Variants in NEK3 observed in about 807,000 individuals in gnomAD.
NEK3 encodes NIMA related kinase 3.
Under a neutral mutation model 66.0 loss-of-function variants are expected in NEK3, and 54 were observed. That is an observed-to-expected ratio of 0.82 (90% CI 0.66 to 1.03). The LOEUF is 1.03. Among genes scored for constraint, NEK3 ranks in the 50% least tolerant of loss-of-function variants. The pLI is 0.00. For missense variants in NEK3, 593 were observed against 603.0 expected, an observed-to-expected ratio of 0.98 and a Z score of 0.17; for synonymous variants, 200 against 206.2, an observed-to-expected ratio of 0.97 and a Z score of 0.26.
intron 11 of NEK3, among the ~76,000 whole-genome samples, chr13:52,137,274 A>T (rs1181200664): frequency 6.6e-6 from 1 of 152,180 alleles, no homozygotes; most frequent in East Asian, 1.9e-4. Flanking sequence ...GGGCTTTACA[A>T]ACTATAATAT....
chr13:52,153,214 A>AT (rs959620187), intron 4 of NEK3, among the ~76,000 whole-genome samples: 3 of 150,306 alleles, frequency 2.0e-5, no homozygotes, highest in East Asian at 1.9e-4. Context: ...TGTCAAACTA[A>AT]TTTTTTTTTT....
intron 10 of NEK3, among the ~76,000 whole-genome samples, chr13:52,143,388 C>A (rs754426878): frequency 6.6e-6 from 1 of 151,932 alleles, no homozygotes; most frequent in African/African-American, 2.4e-5. Flanking sequence ...CCATATACCA[C>A]CTGTCCCCAC....
intron 11 of NEK3, 36 bp downstream of exon 11, chr13:52,140,984 C>T (rs371750807): frequency 5.7e-5 from 88 of 1,537,792 alleles, no homozygotes; most frequent in Non-Finnish European, 6.3e-5. Flanking sequence ...CCGGCCACCG[C>T]GCCCGGCCTC....
intron 2 of NEK3, among the ~76,000 whole-genome samples, chr13:52,154,821 A>G (rs1956378351): frequency 1.3e-5 from 2 of 148,324 alleles, no homozygotes; most frequent in South Asian, 4.4e-4. Context: ...ATAGATGTAG[A>G]CTATAGATGT....
intron 7 of NEK3, 59 bp from the exon 8 acceptor site, chr13:52,148,528 A>C: frequency 6.9e-7 from 1 of 1,451,680 alleles, no homozygotes; most frequent in Non-Finnish European, 9.6e-7. Flanking sequence ...TAGTACAAAA[A>C]ATAATTTCTT....
In NEK3 at chr13:52,151,251, A is replaced by C. The variant is rs1439311404; in HGVS notation, c.462-19T>G. 1.2e-6 allele frequency: 2 copies of C among 1,601,352 alleles called. No individual in the cohort carries two copies. The highest frequency in any genetic ancestry group is 1.7e-4 in the Middle Eastern group (1 of 6,048). Reference sequence around the variant, plus strand: ...CATCGGACTAAAACCATAAAAAGGCAACGAATGATTACAGAACATTCCTGA... The same window carrying C: ...CATCGGACTAAAACCATAAAAAGGCCACGAATGATTACAGAACATTCCTGA... On this transcript the variant is annotated intron_variant, in intron 6 of 15. Coordinates refer to ENST00000610828, the MANE Select transcript of NEK3 (RefSeq NM_002498.3).
In NEK3 at chr13:52,150,069, G is replaced by A. The variant is rs569578796; in HGVS notation, c.548+1077C>T. Reference sequence around the variant, plus strand: ...TCCCCAATTGTCCCAATAAGTCCCTGTAGAGCTGTTTTGTCCCCATTCAGT... The same window carrying A: ...TCCCCAATTGTCCCAATAAGTCCCTATAGAGCTGTTTTGTCCCCATTCAGT... On this transcript the variant is annotated intron_variant, in intron 7 of 15. Coordinates refer to ENST00000610828, the MANE Select transcript of NEK3 (RefSeq NM_002498.3). Among the ~76,000 whole-genome samples the A allele has an allele frequency of 1.1e-4, 17 of 152,228 alleles. No individual in the cohort carries two copies. In the South Asian group the frequency reaches 2.9e-3, roughly 26 times the overall value.
chr13:52,133,142 T>C lies in NEK3; in HGVS notation c.1521A>G (p.Ter507=), dbSNP rs1205103392. The C allele has an allele frequency of 7.5e-6, 12 of 1,607,704 alleles. No individual in the cohort carries two copies. In the South Asian group the frequency reaches 1.3e-4, roughly 18 times the overall value. Reference sequence around the variant, plus strand: ...TGACTCAGGAACATTTCCTCAGGCATTATCTGTCGCACAGGCCTTGCCATC... The same window carrying C: ...TGACTCAGGAACATTTCCTCAGGCACTATCTGTCGCACAGGCCTTGCCATC... ...RAGWQGLCDR[*] The change falls in exon 16 of 16, where the codon TAA becomes TAG. Residue 507 remains the stop codon, a stop_retained_variant. Coordinates refer to ENST00000610828, the MANE Select transcript of NEK3 (RefSeq NM_002498.3).
chr13:52,153,991 A>G lies in NEK3; in HGVS notation c.213T>C (p.Ala71=). 6.2e-7 allele frequency: 1 copy of G among 1,611,778 alleles called. No homozygotes were observed. ...CCATCACAATATACAAGTGTCCTTC[A>G]GCTAAAACAGATATAAGCTCTTTAG... ...NIVAFKESFE[A]EGHLYIVMEY... Residue 71 remains alanine, a splice_region_variant and synonymous_variant, in exon 4 of 16, where the codon GCT becomes GCC. Transcript: ENST00000610828.
Position 52,148,523 on chromosome 13 carries a change from C to T in NEK3, c.549-54G>A, listed in dbSNP as rs901388964. 2.7e-6 allele frequency: 4 copies of T among 1,477,976 alleles called. No individual in the cohort carries two copies. The East Asian group carries it at 6.8e-5, about 25-fold the overall frequency. 91.6% of individuals were successfully genotyped at this position (1,477,976 alleles called of 1,614,324 possible). A position where few individuals can be genotyped will look rare whatever the true frequency, so the allele number is the denominator to read the frequency against. ...CAAGCAGGTTACGTATTTTCTAGTACAAAAAATAATTTCTTACCTTTAATA... is the reference window on the plus strand; with the variant it reads ...CAAGCAGGTTACGTATTTTCTAGTATAAAAAATAATTTCTTACCTTTAATA... On this transcript the variant is annotated intron_variant, in intron 7 of 15. Coordinates refer to ENST00000610828, the MANE Select transcript of NEK3 (RefSeq NM_002498.3).
At chr13:52,138,133 C>G (rs750641974) in intron 11 of NEK3, among the ~76,000 whole-genome samples, 2 of 152,130 alleles carry the variant, frequency 1.3e-5, no homozygotes, top group Non-Finnish European at 2.9e-5. Context: ...GCGATCCTCC[C>G]GCCTCAGCTT....
intron 10 of NEK3, among the ~76,000 whole-genome samples, chr13:52,141,519 C>G (rs1018477963): frequency 3.3e-5 from 5 of 152,078 alleles, no homozygotes; most frequent in Non-Finnish European, 5.9e-5. Context: ...AGGAGAGAAC[C>G]CTGGCAATTG....
rs1200703786 is a variant in NEK3, at chr13:52,143,968, T to A, written c.824A>T (p.Glu275Val). 6.7e-7 allele frequency: 1 copy of A among 1,501,858 alleles called. No homozygotes were observed. The highest frequency in any genetic ancestry group is 9.0e-7 in the Non-Finnish European group (1 of 1,108,118). 93.0% of individuals were successfully genotyped at this position (1,501,858 alleles called of 1,614,324 possible). The change falls in exon 10 of 16, where the codon GAG becomes GTG. Residue 275 changes from glutamate to valine, a missense_variant. Coordinates refer to ENST00000610828, the MANE Select transcript of NEK3 (RefSeq NM_002498.3). ...LPPEIIMEYG[E>V]EVLEEIKNSK... Reference sequence around the variant, plus strand: ...ATTTTTTATTTCTTCTAATACTTCCTCACCATATTCCATGATGATCTGAAA... The same window carrying A: ...ATTTTTTATTTCTTCTAATACTTCCACACCATATTCCATGATGATCTGAAA...
chr13:52,140,669 G>A (rs1014666494), intron 11 of NEK3, among the ~76,000 whole-genome samples: 1 of 152,052 alleles, frequency 6.6e-6, no homozygotes, highest in African/African-American at 2.4e-5. Context: ...TGGCTCAGCT[G>A]ACAGTGCAGA....
chr13:52,153,908 A>C lies in NEK3; in HGVS notation c.296T>G (p.Phe99Cys), dbSNP rs1297759257. ...TCAATCTCTTACCATGTCTTCAGGAAATAACTTTCCTTTCTGCTGTTTAAT... is the reference window on the plus strand; with the variant it reads ...TCAATCTCTTACCATGTCTTCAGGACATAACTTTCCTTTCTGCTGTTTAAT... ...QKIKQQKGKLFPEDMILNWFT... is the reference protein window; with the variant it reads ...QKIKQQKGKLCPEDMILNWFT... Residue 99 changes from phenylalanine to cysteine, a missense_variant, in exon 4 of 16, where the codon TTT becomes TGT. Physicochemically the swap from Phe to Cys is radical, Grantham distance 205. Transcript: ENST00000610828. 6.2e-7 allele frequency: 1 copy of C among 1,609,942 alleles called. No homozygotes were observed. The highest frequency in any genetic ancestry group is 2.2e-5 in the East Asian group (1 of 44,764).
chr13:52,149,676 T>TG (rs963970127), intron 7 of NEK3, among the ~76,000 whole-genome samples: 2 of 152,118 alleles, frequency 1.3e-5, no homozygotes, highest in Non-Finnish European at 2.9e-5. Flanking sequence ...GAGACCAGCC[T>TG]GGCCAATATG....
In NEK3 at chr13:52,136,102, A is replaced by G. The variant is rs1296421292; in HGVS notation, c.1174+14T>C. 17 of 1,612,670 alleles carry G rather than the reference A, an allele frequency of 1.1e-5. No homozygotes were observed. Among genetic ancestry groups the G allele is most frequent in the Admixed American group, 3.3e-5 (2 of 59,838 alleles). Reference sequence around the variant, plus strand: ...TTCTCTAATAAAATAATAGTATTCAATCTGACTACTAACCTCTATCGTCCT... The same window carrying G: ...TTCTCTAATAAAATAATAGTATTCAGTCTGACTACTAACCTCTATCGTCCT... On this transcript the variant is annotated intron_variant, in intron 13 of 15. Coordinates refer to ENST00000610828, the MANE Select transcript of NEK3 (RefSeq NM_002498.3).
chr13:52,147,448 T>C (rs1956303752), intron 8 of NEK3, among the ~76,000 whole-genome samples: 1 of 152,200 alleles, frequency 6.6e-6, no homozygotes, highest in Admixed American at 6.5e-5. Flanking sequence ...TAAAAAGGAA[T>C]GGAATCCTGA....
intron 11 of NEK3, among the ~76,000 whole-genome samples, chr13:52,139,194 A>G (rs1404718422): frequency 2.6e-5 from 4 of 152,254 alleles, no homozygotes; most frequent in Non-Finnish European, 5.9e-5. Context: ...AGATCTAAAT[A>G]GTAATCTAAA....
Sources: allele counts gnomAD v4.1 joint callset (sites outside exome capture counted in the v4.1 genomes callset), GRCh38; gene constraint gnomAD v4.1.1; transcripts MANE v1.5; gene names NCBI Gene and HGNC (gene_info 2026-07-23, HGNC 2026-07-21).